PLEKHA5: variants seen among roughly 807,000 people sequenced by gnomAD.
The protein encoded by PLEKHA5 is pleckstrin homology domain-containing family A member 5.
PLEKHA5 carries 55 observed loss-of-function variants against 181.9 expected under a neutral mutation model. That is an observed-to-expected ratio of 0.30 (90% CI 0.24 to 0.38). The LOEUF is 0.38. Among genes scored for constraint, PLEKHA5 ranks in the 10% least tolerant of loss-of-function variants. The probability of loss-of-function intolerance (pLI) is 1.00; values close to 1 mark genes in which losing one functional copy is unlikely to be tolerated. For missense variants in PLEKHA5, 1,432 were observed against 1,549.5 expected, an observed-to-expected ratio of 0.92 and a Z score of 1.27; for synonymous variants, 535 against 529.4, an observed-to-expected ratio of 1.01 and a Z score of -0.15.
chr12:19,245,723 C>CAAAAAAAA (rs1177391924), intron 3 of PLEKHA5, among the ~76,000 whole-genome samples: 2 of 50,902 alleles, frequency 3.9e-5, no homozygotes, highest in African/African-American at 1.7e-4. Flanking sequence ...GTGAGACTGT[C>CAAAAAAAA]AAAAAAAAAA....
At chr12:19,324,661 C>A (rs1390199836) in intron 20 of PLEKHA5, among the ~76,000 whole-genome samples, 1 of 152,014 alleles carries the variant, frequency 6.6e-6, no homozygotes, top group East Asian at 1.9e-4. Flanking sequence ...GATTTGGATA[C>A]AATGAGAAGA....
intron 10 of PLEKHA5, among the ~76,000 whole-genome samples, chr12:19,272,285 T>C (rs984701559): frequency 1.4e-4 from 21 of 152,206 alleles, no homozygotes; most frequent in Non-Finnish European, 2.8e-4. Context: ...TTTTTAAAAT[T>C]AGATCACAAG....
intron 29 of PLEKHA5, among the ~76,000 whole-genome samples, chr12:19,365,169 A>C (rs907712712): frequency 6.6e-6 from 1 of 152,030 alleles, no homozygotes; most frequent in African/African-American, 2.4e-5. Context: ...CAGGAGATCG[A>C]GACCATCCTG....
intron 13 of PLEKHA5, among the ~76,000 whole-genome samples, chr12:19,289,233 T>G (rs543169992): frequency 1.3e-5 from 2 of 152,352 alleles, no homozygotes; most frequent in South Asian, 4.1e-4. Flanking sequence ...AAAAAACTGT[T>G]GTCTCACCTG....
rs112149243 is a variant in PLEKHA5, at chr12:19,361,051, G to A, written c.3484-531G>A. Among the ~76,000 whole-genome samples the A allele has an allele frequency of 6.8e-3, 1,027 of 151,970 alleles. 10 individuals carry two copies. Among genetic ancestry groups the A allele is most frequent in the African/African-American group, 0.023 (950 of 41,472 alleles). ...ATTACAGGTGTGAGCCACTGTGCCC[G>A]GCCTGCATCATCTCTTTAGACAAAT... On this transcript the variant is annotated intron_variant, in intron 28 of 31. Transcript: ENST00000429027.
At chr12:19,131,303 C>G (rs2033747377) in intron 2 of PLEKHA5, among the ~76,000 whole-genome samples, 1 of 152,170 alleles carries the variant, frequency 6.6e-6, no homozygotes, top group South Asian at 2.1e-4. Context: ...CTGGAGTTCA[C>G]TGAAGTGACT....
At chr12:19,195,634 T>C (rs976264295) in intron 3 of PLEKHA5, among the ~76,000 whole-genome samples, 6 of 137,974 alleles carry the variant, frequency 4.3e-5, no homozygotes, top group Non-Finnish European at 7.6e-5. Flanking sequence ...GATTGCGCCA[T>C]TGCACTCCAG....
At position 19,265,336 on chromosome 12, in the gene PLEKHA5, A is replaced by C. The variant is rs561321707; in HGVS notation, c.611-414A>C. Reference sequence around the variant, plus strand: ...AACATTCTCGAAGGAGAACAGAGAAAACGTTAAATAAATAACATTTTAAAA... The same window carrying C: ...AACATTCTCGAAGGAGAACAGAGAACACGTTAAATAAATAACATTTTAAAA... On this transcript the variant is annotated intron_variant, in intron 7 of 31. Coordinates refer to ENST00000429027, the MANE Select transcript of PLEKHA5 (RefSeq NM_001256470.2). 4.6e-5 allele frequency among the ~76,000 whole-genome samples: 7 copies of C among 152,318 alleles called. 1 individual carries two copies. The highest frequency in any genetic ancestry group is 4.6e-4 in the Admixed American group (7 of 15,292).
chr12:19,184,904 A>G (rs1400018494), intron 3 of PLEKHA5, among the ~76,000 whole-genome samples: 2 of 152,198 alleles, frequency 1.3e-5, no homozygotes, highest in Non-Finnish European at 2.9e-5. Context: ...CCTGGAAGCC[A>G]CAGTCAGAAG....
intron 21 of PLEKHA5, among the ~76,000 whole-genome samples, chr12:19,342,852 AC>A (rs2094046018): frequency 6.6e-6 from 1 of 152,076 alleles, no homozygotes; most frequent in Non-Finnish European, 1.5e-5. Flanking sequence ...TGTTAGTTGT[AC>A]CTTTGTTGTT....
chr12:19,291,896 A>G (rs2078548128), intron 15 of PLEKHA5, among the ~76,000 whole-genome samples, 199 bp downstream of exon 15: 2 of 152,278 alleles, frequency 1.3e-5, no homozygotes, highest in South Asian at 4.1e-4. Context: ...TGTGGAGGTA[A>G]AGAGGGATAC....
chr12:19,179,739 G>A (rs2048126188), intron 3 of PLEKHA5, among the ~76,000 whole-genome samples: 1 of 152,172 alleles, frequency 6.6e-6, no homozygotes, highest in African/African-American at 2.4e-5. Context: ...GGTATATGGG[G>A]GAGAGGTGGG....
intron 20 of PLEKHA5, among the ~76,000 whole-genome samples, chr12:19,323,682 G>A (rs926311978): frequency 6.6e-6 from 1 of 151,686 alleles, no homozygotes; most frequent in Non-Finnish European, 1.5e-5. Flanking sequence ...TGGGTGTGGT[G>A]GCAGGTGCCT....
chr12:19,251,300 G>T (rs1339046524), intron 3 of PLEKHA5, among the ~76,000 whole-genome samples: 1 of 151,812 alleles, frequency 6.6e-6, no homozygotes, highest in Admixed American at 6.6e-5. Flanking sequence ...CAGCTAACTT[G>T]GGAGGCTGAG....
At chr12:19,220,191 T>G (rs1424176880) in intron 3 of PLEKHA5, among the ~76,000 whole-genome samples, 1 of 147,564 alleles carries the variant, frequency 6.8e-6, no homozygotes, top group African/African-American at 2.5e-5. Flanking sequence ...CTCCAATTGC[T>G]TTTTTCTCTT....
Position 19,361,634 on chromosome 12 carries a change from A to G in PLEKHA5, c.3536A>G (p.Asn1179Ser). The stretch of plus-strand genomic sequence containing the variant: ...GAAATGCTTTTTGAACCTGAGCCAA[A>G]TGGAGTAAATTCTGTGGAAATGATG... The part of the protein sequence containing the change: ...SYEMLFEPEP[N>S]GVNSVEMMDK... Residue 1179 changes from asparagine to serine, a missense_variant, in exon 29 of 32, where the codon AAT becomes AGT. This residue lies in a region of PLEKHA5 where 1,143 missense variants were observed against 1,168.4 expected (regional missense o/e 0.98). Coordinates refer to ENST00000429027, the MANE Select transcript of PLEKHA5 (RefSeq NM_001256470.2). 6.4e-7 allele frequency: 1 copy of G among 1,571,556 alleles called. No homozygotes were observed.
intron 3 of PLEKHA5, among the ~76,000 whole-genome samples, chr12:19,221,743 A>G (rs1038314749): frequency 2.0e-5 from 3 of 152,174 alleles, no homozygotes; most frequent in Non-Finnish European, 2.9e-5. Context: ...GTGCTCACCT[A>G]ATTAACTTTG....
intron 3 of PLEKHA5, among the ~76,000 whole-genome samples, chr12:19,210,562 T>C (rs1592076359): frequency 1.3e-5 from 2 of 152,242 alleles, no homozygotes; most frequent in South Asian, 4.1e-4. Context: ...AGATGAGCTA[T>C]GATTTTTTAT....
chr12:19,253,807 T>C (rs1208058889), intron 3 of PLEKHA5, 133 bp from the exon 4 acceptor site: 12 of 668,422 alleles, frequency 1.8e-5, no homozygotes, highest in Non-Finnish European at 2.4e-5. Context: ...GCGACAAGAA[T>C]AAAACTCCGT....
Sources: allele counts gnomAD v4.1 joint callset (sites outside exome capture counted in the v4.1 genomes callset), GRCh38; gene constraint gnomAD v4.1.1; regional missense constraint gnomAD v4.1.1; transcripts MANE v1.5; gene names NCBI Gene and HGNC (gene_info 2026-07-23, HGNC 2026-07-21).